MGAM2: variants seen among roughly 807,000 people sequenced by gnomAD.
MGAM2 encodes maltase-glucoamylase 2 (putative).
MGAM2 carries 98 observed loss-of-function variants against 96.1 expected under a neutral mutation model. The observed-to-expected ratio is 1.02, with a 90% CI of 0.87 to 1.21. The LOEUF is 1.21. Among genes scored for constraint, MGAM2 ranks in the 50% most tolerant of loss-of-function variants. The pLI, the probability that MGAM2 is intolerant of heterozygous loss-of-function variation, is 0.00. For missense variants in MGAM2, 2,055 were observed against 1,182.4 expected, an observed-to-expected ratio of 1.74 and a Z score of -10.82; for synonymous variants, 749 against 414.8, an observed-to-expected ratio of 1.81 and a Z score of -9.79.
At chr7:142,168,016 C>T (rs1796078902) in intron 26 of MGAM2, among the ~76,000 whole-genome samples, 1 of 152,158 alleles carries the variant, frequency 6.6e-6, no homozygotes, top group Admixed American at 6.5e-5. Context: ...GATGAGTATT[C>T]TAGGTCATAA....
chr7:142,122,072 G>A (rs1270447823), intron 3 of MGAM2, among the ~76,000 whole-genome samples: 4 of 151,904 alleles, frequency 2.6e-5, no homozygotes, highest in Non-Finnish European at 5.9e-5. Context: ...AATGGAAAAT[G>A]GATTTTTTCC....
intron 2 of MGAM2, among the ~76,000 whole-genome samples, chr7:142,117,853 G>T (rs1262984771): frequency 6.6e-6 from 1 of 151,930 alleles, no homozygotes; most frequent in African/African-American, 2.4e-5. Context: ...TATTTTATTT[G>T]ATATAAAACT....
intron 15 of MGAM2, among the ~76,000 whole-genome samples, chr7:142,149,111 C>A (rs1231028958): frequency 6.6e-6 from 1 of 152,014 alleles, no homozygotes; most frequent in Non-Finnish European, 1.5e-5. Flanking sequence ...CACCTGTAAT[C>A]CCAGCTATTT....
At position 142,131,060 on chromosome 7, in the gene MGAM2, A is replaced by G; in HGVS notation, c.299A>G (p.Asn100Ser). Residue 100 changes from asparagine to serine, a missense_variant, in exon 4 of 48, where the codon AAT (asparagine) becomes AGT (serine). Coordinates refer to ENST00000477922, the MANE Select transcript of MGAM2 (RefSeq NM_001293626.2). ...WGYEASNGHT[N>S]TSTGFTAQLK... is the part of the protein sequence containing the mutation. Reference sequence around the variant, plus strand: ...TATGAAGCCAGCAATGGCCATACAAATACAAGCACAGGTGAGCACTGCCCT... The same window carrying G: ...TATGAAGCCAGCAATGGCCATACAAGTACAAGCACAGGTGAGCACTGCCCT... The G allele has an allele frequency of 1.4e-6, 1 of 702,638 alleles. No homozygotes were observed. The highest frequency in any genetic ancestry group is 2.6e-6 in the Non-Finnish European group (1 of 384,996). The allele number at this position is 702,638 out of a possible 1,614,324, so 43.5% of individuals were successfully genotyped here.
intron 3 of MGAM2, among the ~76,000 whole-genome samples, chr7:142,126,898 T>C (rs1794746366): frequency 6.6e-6 from 1 of 152,188 alleles, no homozygotes; most frequent in Non-Finnish European, 1.5e-5. Context: ...CATTTGAATA[T>C]AATAAGAAGT....
At chr7:142,176,614 A>G (rs1353326661) in intron 32 of MGAM2, among the ~76,000 whole-genome samples, 1 of 152,216 alleles carries the variant, frequency 6.6e-6, no homozygotes, top group African/African-American at 2.4e-5. Flanking sequence ...GAAACAGCAT[A>G]ATATTATAGA....
chr7:142,134,485 G>C (rs1794996310), intron 7 of MGAM2, among the ~76,000 whole-genome samples: 1 of 152,054 alleles, frequency 6.6e-6, no homozygotes, highest in Non-Finnish European at 1.5e-5. Flanking sequence ...GGAAAGGAAG[G>C]CTTCAGTAGG....
chr7:142,184,959 G>A, intron 33 of MGAM2, 118 bp from the exon 34 acceptor site: 1 of 520,300 alleles, frequency 1.9e-6, no homozygotes, highest in Non-Finnish European at 3.4e-6. Context: ...TTTAATTTAT[G>A]GCAAAGATTC....
chr7:142,136,419 A>G lies in MGAM2; in HGVS notation c.748-122A>G, dbSNP rs540336416. ...ATCATTACAATGCCTTTTTGATACA[A>G]TGTTAAACTACATGAAGTGTTGACC... On this transcript the variant is annotated intron_variant, in intron 7 of 47. Coordinates refer to ENST00000477922, the MANE Select transcript of MGAM2 (RefSeq NM_001293626.2). 309 of 453,436 alleles carry G rather than the reference A, an allele frequency of 6.8e-4. 7 individuals are homozygous for G. In the South Asian group the frequency reaches 0.016, roughly 23 times the overall value. The allele number at this position is 453,436 out of a possible 1,614,324, so 28.1% of individuals were successfully genotyped here.
chr7:142,220,035 AT>A lies in MGAM2; in HGVS notation c.5525del (p.Ile1842ThrfsTer251). The A allele has an allele frequency of 1.4e-6, 1 of 702,924 alleles. No homozygotes were observed. The highest frequency in any genetic ancestry group is 2.6e-6 in the Non-Finnish European group (1 of 384,936). The allele number at this position is 702,924 out of a possible 1,614,324, so 43.5% of individuals were successfully genotyped here. A position where few individuals can be genotyped will look rare whatever the true frequency, so the allele number is the denominator to read the frequency against. ...TACCAATGCCACCAGTTCTGAGACA[AT>A]CACCAGTTCTGCCAGTGCAAATACT... ...STTNATSSET[I>X]TSSASANTTT... is the part of the protein sequence containing the mutation. On this transcript the variant is annotated frameshift_variant, in exon 48 of 48. Coordinates refer to ENST00000477922, the MANE Select transcript of MGAM2 (RefSeq NM_001293626.2). LOFTEE classifies it low-confidence loss of function (END_TRUNC).
intron 37 of MGAM2, among the ~76,000 whole-genome samples, chr7:142,191,590 A>ATC (rs144033762): frequency 3.1e-4 from 47 of 151,746 alleles, no homozygotes; most frequent in Admixed American, 7.9e-4. Flanking sequence ...TATTTCATTG[A>ATC]TCTCTCTCTC....
Position 142,198,662 on chromosome 7 carries a change from C to T in MGAM2, c.4971C>T (p.Pro1657=), listed in dbSNP as rs749336543. ...STGQRKILKA[P]LDHINLHVRG... ...GTCAGAGGAAAATCCTGAAGGCTCC[C>T]CTTGACCACATCAACCTTCATGTCA... is the stretch of plus-strand genomic sequence containing the variant. Residue 1657 remains proline, a synonymous_variant, in exon 44 of 48, where the codon CCC becomes CCT. Transcript: ENST00000477922. 1.4e-6 allele frequency: 1 copy of T among 703,558 alleles called. No homozygotes were observed. The highest frequency in any genetic ancestry group is 1.5e-5 in the South Asian group (1 of 67,594). 43.6% of individuals were successfully genotyped at this position (703,558 alleles called of 1,614,324 possible). A position where few individuals can be genotyped will look rare whatever the true frequency, so the allele number is the denominator to read the frequency against.
Position 142,220,360 on chromosome 7 carries a change from G to C in MGAM2, c.5849G>C (p.Gly1950Ala), listed in dbSNP as rs1332173891. 1.4e-6 allele frequency: 1 copy of C among 702,318 alleles called. No individual in the cohort carries two copies. Among genetic ancestry groups the C allele is most frequent in the Non-Finnish European group, 2.6e-6 (1 of 384,866 alleles). 43.5% of individuals were successfully genotyped at this position (702,318 alleles called of 1,614,324 possible). Reference sequence around the variant, plus strand: ...ACATGTTTTGCAACAAGTACTATTGGTGTTACAACTAATGCTACTGTTCCC... The same window carrying C: ...ACATGTTTTGCAACAAGTACTATTGCTGTTACAACTAATGCTACTGTTCCC... ...TTTCFATSTI[G>A]VTTNATVPDT... The change falls in exon 48 of 48, where the codon GGT (glycine) becomes GCT (alanine). Residue 1950 changes from glycine to alanine, a missense_variant. By Grantham distance (60) the Gly-to-Ala change is moderately conservative. Transcript: ENST00000477922.
At chr7:142,184,310 A>G (rs1268814930) in intron 33 of MGAM2, among the ~76,000 whole-genome samples, 1 of 152,088 alleles carries the variant, frequency 6.6e-6, no homozygotes, top group Non-Finnish European at 1.5e-5. Context: ...CAACTTACCC[A>G]GATAATATCT....
At chr7:142,187,059 A>C (rs945967366) in intron 35 of MGAM2, among the ~76,000 whole-genome samples, 1 of 152,144 alleles carries the variant, frequency 6.6e-6, no homozygotes, top group Non-Finnish European at 1.5e-5. Context: ...TGTCCTATTT[A>C]AAATAGTCTG....
At chr7:142,211,246 A>G (rs769423471) in intron 46 of MGAM2, among the ~76,000 whole-genome samples, 11 of 152,234 alleles carry the variant, frequency 7.2e-5, no homozygotes, top group Non-Finnish European at 1.5e-4. Flanking sequence ...ACCCAGTGCA[A>G]AAAGCCTAAA....
At chr7:142,191,424 T>C (rs1359169165) in intron 37 of MGAM2, among the ~76,000 whole-genome samples, 2 of 152,204 alleles carry the variant, frequency 1.3e-5, no homozygotes, top group Non-Finnish European at 2.9e-5. Flanking sequence ...TAGTTTTAGG[T>C]ATTACACCAA....
chr7:142,194,692 GTGTA>G (rs10581551), intron 37 of MGAM2, among the ~76,000 whole-genome samples: 29,822 of 129,680 alleles, frequency 0.23, 3,122 homozygotes, highest in African/African-American at 0.27. Flanking sequence ...TAGAACATGT[GTGTA>G]TGTGTGTGTG....
At chr7:142,181,871 G>T (rs1796554359) in intron 32 of MGAM2, among the ~76,000 whole-genome samples, 1 of 152,182 alleles carries the variant, frequency 6.6e-6, no homozygotes, top group Admixed American at 6.5e-5. Flanking sequence ...GGCCCTCTCA[G>T]CTTGCTCTCC....
Sources: allele counts gnomAD v4.1 joint callset (sites outside exome capture counted in the v4.1 genomes callset), GRCh38; gene constraint gnomAD v4.1.1; transcripts MANE v1.5; gene names NCBI Gene and HGNC (gene_info 2026-07-23, HGNC 2026-07-21).